Variants in HORMAD2 observed in about 807,000 individuals in gnomAD.
HORMAD2 encodes HORMA domain containing 2, also known as HORMA domain-containing protein 2.
A neutral mutation model predicts 38.8 loss-of-function variants in HORMAD2; 45 were observed. That is an observed-to-expected ratio of 1.16 (90% CI 0.91 to 1.49). HORMAD2 has a LOEUF of 1.49. Ranked by LOEUF, HORMAD2 falls within the 40% of genes most tolerant of loss-of-function variation. HORMAD2 has a pLI of 0.00. For missense variants in HORMAD2, 338 were observed against 367.0 expected, an observed-to-expected ratio of 0.92 and a Z score of 0.65; for synonymous variants, 126 against 122.8, an observed-to-expected ratio of 1.03 and a Z score of -0.17.
At chr22:30,112,919 T>C (rs947030973) in intron 7 of HORMAD2, among the ~76,000 whole-genome samples, 2 of 152,144 alleles carry the variant, frequency 1.3e-5, no homozygotes, top group African/African-American at 4.8e-5. Flanking sequence ...TTTCTGTTTA[T>C]GGCCTTTTGG....
intron 10 of HORMAD2, among the ~76,000 whole-genome samples, chr22:30,153,578 G>A (rs77127028): frequency 0.02 from 2,995 of 152,040 alleles, 98 homozygotes; most frequent in African/African-American, 0.068. Context: ...CTTTCCATTG[G>A]CCCAAATCAT....
intron 10 of HORMAD2, among the ~76,000 whole-genome samples, chr22:30,133,811 G>A (rs1923455152): frequency 6.6e-6 from 1 of 152,020 alleles, no homozygotes; most frequent in East Asian, 1.9e-4. Context: ...ATGTACATAG[G>A]ATGTGCATAT....
chr22:30,156,547 T>A (rs1925089271), intron 10 of HORMAD2, among the ~76,000 whole-genome samples: 1 of 152,356 alleles, frequency 6.6e-6, no homozygotes. Context: ...TGCTAATGAT[T>A]AATAAGTTCA....
chr22:30,089,931 G>A (rs1281502089), intron 1 of HORMAD2, among the ~76,000 whole-genome samples: 1 of 152,120 alleles, frequency 6.6e-6, no homozygotes, highest in South Asian at 2.1e-4. Flanking sequence ...TTCTGTCTCT[G>A]TGAATTTGCC....
intron 1 of HORMAD2, among the ~76,000 whole-genome samples, chr22:30,089,392 G>A (rs2068642129): frequency 1.3e-5 from 2 of 149,022 alleles, no homozygotes; most frequent in Non-Finnish European, 3.0e-5. Context: ...TGGCTCTGTC[G>A]GCCAGGCTGG....
At chr22:30,130,483 C>T (rs1923196633) in intron 10 of HORMAD2, among the ~76,000 whole-genome samples, 1 of 151,912 alleles carries the variant, frequency 6.6e-6, no homozygotes, top group Admixed American at 6.6e-5. Context: ...CGGGACAATA[C>T]AGGGTTCAGT....
chr22:30,090,923 G>C (rs1307970931), intron 1 of HORMAD2, among the ~76,000 whole-genome samples: 1 of 152,072 alleles, frequency 6.6e-6, no homozygotes, highest in African/African-American at 2.4e-5. Flanking sequence ...CAGTGCTATA[G>C]AACAATATAA....
At chr22:30,085,689 G>T (rs767492933) in intron 1 of HORMAD2, among the ~76,000 whole-genome samples, 2 of 152,232 alleles carry the variant, frequency 1.3e-5, no homozygotes, top group Non-Finnish European at 2.9e-5. Context: ...TGGAAACAGA[G>T]GTTGCAGTAA....
intron 1 of HORMAD2, among the ~76,000 whole-genome samples, chr22:30,087,215 T>C (rs2068585747): frequency 6.6e-6 from 1 of 152,120 alleles, no homozygotes; most frequent in African/African-American, 2.4e-5. Flanking sequence ...GGGATTAAGG[T>C]TGAGTCACAG....
chr22:30,118,894 G>A, intron 7 of HORMAD2, 86 bp from the exon 8 acceptor site: 1 of 867,394 alleles, frequency 1.2e-6, no homozygotes, highest in East Asian at 2.7e-5. Flanking sequence ...GATATACAGT[G>A]AAAATGTTCC....
chr22:30,167,392 A>AT (rs1244725762), intron 10 of HORMAD2, among the ~76,000 whole-genome samples: 4 of 152,164 alleles, frequency 2.6e-5, no homozygotes, highest in Non-Finnish European at 5.9e-5. Context: ...TTGGGGGCTC[A>AT]TTTTTTAGTG....
chr22:30,200,464 A>G, the HORMAD2 span, among the ~76,000 whole-genome samples: 1 of 152,126 alleles, frequency 6.6e-6, no homozygotes, highest in Non-Finnish European at 1.5e-5. Flanking sequence ...TGAATAGGAT[A>G]TTGGAATTAT....
chr22:30,199,674 T>G, the HORMAD2 span, among the ~76,000 whole-genome samples: 6,180 of 152,276 alleles, frequency 0.041, 362 homozygotes, highest in South Asian at 0.23. Flanking sequence ...CAACCCCATC[T>G]CACCCTTCCC....
At chr22:30,126,408 C>T (rs943648753) in intron 10 of HORMAD2, among the ~76,000 whole-genome samples, 38 of 152,236 alleles carry the variant, frequency 2.5e-4, no homozygotes, top group African/African-American at 8.7e-4. Context: ...ACCTCTTGAT[C>T]AGCCCGCCTC....
chr22:30,159,969 G>A (rs538305293), intron 10 of HORMAD2, among the ~76,000 whole-genome samples: 3 of 152,190 alleles, frequency 2.0e-5, no homozygotes, highest in Non-Finnish European at 4.4e-5. Context: ...CTGAAAAGAA[G>A]CTTGTCAGAC....
At chr22:30,112,777 G>A (rs1263647791) in intron 7 of HORMAD2, among the ~76,000 whole-genome samples, 1 of 151,980 alleles carries the variant, frequency 6.6e-6, no homozygotes, top group Non-Finnish European at 1.5e-5. Flanking sequence ...TTGGCATTAA[G>A]AGTCTCTTAA....
intron 10 of HORMAD2, among the ~76,000 whole-genome samples, chr22:30,127,439 C>A (rs1187184782): frequency 6.6e-6 from 1 of 152,082 alleles, no homozygotes; most frequent in Non-Finnish European, 1.5e-5. Context: ...GAACTCCTGA[C>A]TTCGTGATCC....
At chr22:30,168,350 CAGA>C (rs1925910028) in intron 10 of HORMAD2, among the ~76,000 whole-genome samples, 1 of 152,188 alleles carries the variant, frequency 6.6e-6, no homozygotes. Context: ...CTTCGGACCT[CAGA>C]AGAAGTAATA....
intron 10 of HORMAD2, chr22:30,137,579 A>G (rs1466515220): frequency 6.5e-6 from 1 of 154,492 alleles, no homozygotes; most frequent in Admixed American, 6.5e-5. Flanking sequence ...GAAAGAAAGA[A>G]AAGAAGGAGG....
Sources: allele counts gnomAD v4.1 joint callset (sites outside exome capture counted in the v4.1 genomes callset), GRCh38; gene constraint gnomAD v4.1.1; transcripts MANE v1.5; gene names NCBI Gene and HGNC (gene_info 2026-07-23, HGNC 2026-07-21).